Variants in SAMMSON observed in about 807,000 individuals in gnomAD.
The protein encoded by SAMMSON is survival associated mitochondrial melanoma specific oncogenic non-coding RNA.
At chr3:70,365,483 C>G in intron 9 of SAMMSON, among the ~76,000 whole-genome samples, 1 of 151,780 alleles carries the variant, frequency 6.6e-6, no homozygotes, top group Non-Finnish European at 1.5e-5. Flanking sequence ...GTACCAAACT[C>G]TAATGACCAC....
intron 6 of SAMMSON, among the ~76,000 whole-genome samples, chr3:70,276,572 G>A (rs1702028742): frequency 6.6e-6 from 1 of 152,078 alleles, no homozygotes; most frequent in Admixed American, 6.6e-5. Context: ...TGTGCTTTGT[G>A]TTAGACACCT....
chr3:70,001,404 A>G (rs1222616478), intron 1 of SAMMSON, among the ~76,000 whole-genome samples: 1 of 150,942 alleles, frequency 6.6e-6, no homozygotes, highest in African/African-American at 2.4e-5. Context: ...TCTTGCCCTC[A>G]TGGAACTTAG....
intron 1 of SAMMSON, among the ~76,000 whole-genome samples, chr3:70,008,659 G>T (rs992095651): frequency 6.6e-6 from 1 of 152,150 alleles, no homozygotes; most frequent in Non-Finnish European, 1.5e-5. Context: ...GCCCTGGCCA[G>T]AACTTCTAAC....
chr3:70,334,080 T>G (rs1253083673), intron 7 of SAMMSON, among the ~76,000 whole-genome samples: 1 of 152,210 alleles, frequency 6.6e-6, no homozygotes, highest in Non-Finnish European at 1.5e-5. Context: ...ATTGACAGAT[T>G]ATACAGTTTA....
chr3:70,323,303 G>A (rs576967896), intron 7 of SAMMSON, among the ~76,000 whole-genome samples: 1 of 152,194 alleles, frequency 6.6e-6, no homozygotes. Context: ...TAAGTGGCAG[G>A]CCTTAGTGAT....
At chr3:70,258,135 A>C (rs1330224247) in intron 6 of SAMMSON, among the ~76,000 whole-genome samples, 2 of 152,196 alleles carry the variant, frequency 1.3e-5, no homozygotes, top group Non-Finnish European at 2.9e-5. Context: ...AAAAAAATTA[A>C]TTTGAAATGG....
At chr3:70,255,211 A>G (rs1055515554) in intron 6 of SAMMSON, among the ~76,000 whole-genome samples, 1 of 152,250 alleles carries the variant, frequency 6.6e-6, no homozygotes, top group Non-Finnish European at 1.5e-5. Flanking sequence ...AAAACTTAAA[A>G]TATTAGTAAA....
intron 7 of SAMMSON, among the ~76,000 whole-genome samples, chr3:70,294,307 T>A (rs1194179381): frequency 6.6e-6 from 1 of 152,154 alleles, no homozygotes; most frequent in Non-Finnish European, 1.5e-5. Context: ...TCACCCTAGG[T>A]CATGAATAGA....
At chr3:70,115,210 C>CAAA (rs11456109) in intron 4 of SAMMSON, among the ~76,000 whole-genome samples, 2,582 of 117,450 alleles carry the variant, frequency 0.022, 43 homozygotes, top group Non-Finnish European at 0.035. Context: ...CTCTATTTTC[C>CAAA]AAAAAAAAAA....
intron 4 of SAMMSON, among the ~76,000 whole-genome samples, chr3:70,248,951 T>G (rs139189831): frequency 1.3e-5 from 2 of 152,276 alleles, no homozygotes; most frequent in African/African-American, 4.8e-5. Context: ...ATTGACAACT[T>G]CACTGTCATT....
At chr3:70,163,837 T>A (rs951540539) in intron 4 of SAMMSON, among the ~76,000 whole-genome samples, 3 of 151,914 alleles carry the variant, frequency 2.0e-5, no homozygotes, top group Admixed American at 1.3e-4. Flanking sequence ...TAGAAAAAAA[T>A]TGCCTCAAGC....
At chr3:70,286,411 G>T (rs1302230795) in intron 6 of SAMMSON, among the ~76,000 whole-genome samples, 3 of 151,810 alleles carry the variant, frequency 2.0e-5, no homozygotes, top group East Asian at 1.9e-4. Flanking sequence ...CTGTTCCATT[G>T]ATCTATATCT....
chr3:70,024,817 G>A (rs62253236), intron 3 of SAMMSON: 1 of 152,206 alleles, frequency 6.6e-6, no homozygotes, highest in South Asian at 2.1e-4. Flanking sequence ...ACCTTGTGCA[G>A]ATCTTGGATC....
intron 7 of SAMMSON, among the ~76,000 whole-genome samples, chr3:70,346,311 G>GT (rs3050213): frequency 0.6 from 84,457 of 140,624 alleles, 25,271 homozygotes; most frequent in Non-Finnish European, 0.65. Context: ...TTTGCTCATT[G>GT]TTTTTTTTTT....
intron 2 of SAMMSON, among the ~76,000 whole-genome samples, chr3:70,409,261 A>G (rs368071252): frequency 2.6e-5 from 4 of 152,156 alleles, no homozygotes; most frequent in African/African-American, 9.7e-5. Context: ...ATTTTGTGAC[A>G]TTTCCCCAAA....
chr3:70,224,450 C>A (rs1045799927), intron 4 of SAMMSON, among the ~76,000 whole-genome samples: 3 of 152,102 alleles, frequency 2.0e-5, no homozygotes, highest in African/African-American at 7.2e-5. Context: ...AAAGGTGGCC[C>A]TTTTTTAAAG....
chr3:70,335,082 T>G (rs768895452), intron 7 of SAMMSON, among the ~76,000 whole-genome samples: 3 of 151,220 alleles, frequency 2.0e-5, no homozygotes, highest in Non-Finnish European at 4.4e-5. Flanking sequence ...AAAACAACTC[T>G]ATAGTTCCCT....
rs144364840 is a variant in SAMMSON at position 70,282,119 on chromosome 3, G to T, written n.675-9060G>T. 4.6e-5 allele frequency among the ~76,000 whole-genome samples: 7 copies of T among 152,170 alleles called. No individual in the cohort carries two copies. The East Asian group carries it at 7.8e-4, about 17-fold the overall frequency. On this transcript the variant is annotated intron_variant and non_coding_transcript_variant, in intron 6 of 9. Transcript: ENST00000642114. ...TTTTTTATTCAGGTGTTTCAGCTGG[G>T]GAAATGGGTCAGGGAACCAAAATCT...
chr3:70,019,753 A>T (rs988894443), intron 3 of SAMMSON, among the ~76,000 whole-genome samples: 1 of 152,092 alleles, frequency 6.6e-6, no homozygotes, highest in Non-Finnish European at 1.5e-5. Context: ...TGCTTCCTTC[A>T]GGAGCTCTTG....
Sources: allele counts gnomAD v4.1 joint callset (sites outside exome capture counted in the v4.1 genomes callset), GRCh38; gene constraint gnomAD v4.1.1; transcripts MANE v1.5; gene names NCBI Gene and HGNC (gene_info 2026-07-23, HGNC 2026-07-21).